The following PCLO variants were observed in gnomAD, a reference collection of about 807,000 sequenced individuals.
PCLO encodes protein piccolo.
A neutral mutation model predicts 427.5 loss-of-function variants in PCLO; 82 were observed. That is an observed-to-expected ratio of 0.19 (90% CI 0.16 to 0.23). The LOEUF is 0.23. PCLO is among the 10% of genes least tolerant of loss of function. The pLI, the probability that PCLO is intolerant of heterozygous loss-of-function variation, is 1.00. For missense variants in PCLO, 6,239 were observed against 6,115.9 expected (o/e 1.02, Z -0.67); for synonymous variants, 2,357 against 2,155.4 (o/e 1.09, Z -2.59).
At chr7:82,796,890 G>A (rs906372302) in intron 22 of PCLO, among the ~76,000 whole-genome samples, 19 of 150,466 alleles carry the variant, frequency 1.3e-4, no homozygotes, top group Non-Finnish European at 2.2e-4. Context: ...TTTTAATATA[G>A]TGTTTTGCAT....
chr7:83,075,833 T>A (rs1239141311), intron 3 of PCLO, among the ~76,000 whole-genome samples: 1 of 152,140 alleles, frequency 6.6e-6, no homozygotes, highest in Non-Finnish European at 1.5e-5. Context: ...TCTAAACACA[T>A]GTAATATGTC....
intron 3 of PCLO, among the ~76,000 whole-genome samples, chr7:83,032,746 CTCT>C (rs2116154964): frequency 6.6e-6 from 1 of 152,186 alleles, no homozygotes; most frequent in African/African-American, 2.4e-5. Context: ...TTTGACTACT[CTCT>C]TCTTTTCTTT....
chr7:82,785,582 G>T (rs1174210415), intron 22 of PCLO, among the ~76,000 whole-genome samples: 2 of 152,124 alleles, frequency 1.3e-5, no homozygotes, highest in African/African-American at 2.4e-5. Flanking sequence ...AACTTAAAAA[G>T]ATCATTACAA....
At chr7:83,017,694 C>G (rs1038580469) in intron 3 of PCLO, among the ~76,000 whole-genome samples, 11 of 151,830 alleles carry the variant, frequency 7.2e-5, no homozygotes, top group Non-Finnish European at 1.6e-4. Context: ...TAATAAAAAA[C>G]TTGTTTACCC....
chr7:82,781,928 TC>T (rs1212254151), intron 22 of PCLO, among the ~76,000 whole-genome samples: 9 of 152,256 alleles, frequency 5.9e-5, no homozygotes, highest in Non-Finnish European at 2.9e-5. Context: ...TCTCGCCCCT[TC>T]CCCCATACCT....
intron 3 of PCLO, among the ~76,000 whole-genome samples, chr7:82,983,373 T>C (rs1305690723): frequency 6.6e-6 from 1 of 151,096 alleles, no homozygotes; most frequent in Non-Finnish European, 1.5e-5. Context: ...AATATATATG[T>C]TCCCTCTGGC....
At chr7:83,140,992 T>A (rs369706232) in intron 2 of PCLO, among the ~76,000 whole-genome samples, 18 of 152,220 alleles carry the variant, frequency 1.2e-4, no homozygotes, top group African/African-American at 4.3e-4. Context: ...ATTTTAGTCC[T>A]TATCACTTCC....
At chr7:82,846,365 C>T (rs1489217182) in intron 12 of PCLO, among the ~76,000 whole-genome samples, 1 of 152,032 alleles carries the variant, frequency 6.6e-6, no homozygotes, top group East Asian at 1.9e-4. Context: ...ATATGTATTT[C>T]CCCAGAATGC....
chr7:83,004,614 T>C (rs1583896980), intron 3 of PCLO, among the ~76,000 whole-genome samples: 1 of 141,208 alleles, frequency 7.1e-6, no homozygotes, highest in East Asian at 2.2e-4. Flanking sequence ...GTTTTGGCAA[T>C]GATTTTTTAG....
chr7:82,959,747 C>A (rs1466510429), intron 4 of PCLO, among the ~76,000 whole-genome samples: 1 of 152,166 alleles, frequency 6.6e-6, no homozygotes, highest in Non-Finnish European at 1.5e-5. Context: ...ACACTCCTCA[C>A]AGGATTTCAT....
rs531405140 is a variant in PCLO at position 82,785,408 on chromosome 7, G to A, written c.15007+16110C>T. On this transcript the variant is annotated intron_variant, in intron 22 of 24. Transcript: ENST00000333891. ...TACTGTGTGGCCTGGTTTCTAACAG[G>A]CCACAGACCAATACAGGTCTGTGGT... is the stretch of plus-strand genomic sequence containing the variant. Among the ~76,000 whole-genome samples, 16 of 152,206 alleles carry A rather than the reference G, an allele frequency of 1.1e-4. No individual in the cohort carries two copies. The South Asian group carries it at 3.1e-3, about 30-fold the overall frequency.
chr7:83,156,865 T>C (rs1792316063), intron 1 of PCLO, among the ~76,000 whole-genome samples: 1 of 152,066 alleles, frequency 6.6e-6, no homozygotes, highest in East Asian at 1.9e-4. Flanking sequence ...GCTAGCAGCA[T>C]TGAGAATTAA....
intron 4 of PCLO, among the ~76,000 whole-genome samples, chr7:82,958,870 A>G (rs188391192): frequency 6.6e-6 from 1 of 152,210 alleles, no homozygotes; most frequent in East Asian, 1.9e-4. Flanking sequence ...GCCAGAGCAC[A>G]TTTTTTGGAA....
intron 20 of PCLO, among the ~76,000 whole-genome samples, chr7:82,816,237 A>G (rs1397223275): frequency 6.6e-6 from 1 of 152,156 alleles, no homozygotes; most frequent in African/African-American, 2.4e-5. Context: ...AAAATAACTA[A>G]GCATTTCATG....
In PCLO at chr7:82,949,535, G is replaced by A. The variant is rs754174262; in HGVS notation, c.11053C>T (p.Leu3685=). The A allele has an allele frequency of 3.1e-6, 5 of 1,613,576 alleles. No homozygotes were observed. In the South Asian group the frequency reaches 5.5e-5, roughly 18 times the overall value. ...GAACTTTCGTCTGCTGTTGGACTCA[G>A]AGGCTTGGGGTCAGACATAGAACGC... is the stretch of plus-strand genomic sequence containing the variant. ...MQRSMSDPKP[L]SPTADESSRA... is the part of the protein sequence containing the mutation. The change falls in exon 6 of 25, where the codon CTG becomes TTG. Residue 3685 remains leucine (L), a synonymous_variant. Transcript: ENST00000333891.
chr7:82,804,706 G>T (rs188478258), intron 21 of PCLO, among the ~76,000 whole-genome samples: 1 of 152,074 alleles, frequency 6.6e-6, no homozygotes, highest in Non-Finnish European at 1.5e-5. Flanking sequence ...TAATAGGCAC[G>T]GTTGTGTTCC....
At chr7:82,845,846 C>CT (rs1343205614) in intron 12 of PCLO, among the ~76,000 whole-genome samples, 1 of 151,884 alleles carries the variant, frequency 6.6e-6, no homozygotes, top group Non-Finnish European at 1.5e-5. Flanking sequence ...TTACATAGTT[C>CT]TTTCTCTAAG....
In PCLO at chr7:82,955,639, C is replaced by A. The variant is rs1330389618; in HGVS notation, c.5314G>T (p.Asp1772Tyr). ...CTCAATTCTTCTTCCTCTGAAGAAT[C>A]TTCAATAGTAGGCAAAAGAGGGCCA... ...PHGPLLPTIE[D>Y]SSEEEELREE... is the part of the protein sequence containing the mutation. Residue 1772 changes from aspartate to tyrosine, a missense_variant, in exon 5 of 25, where the codon GAT (aspartate) becomes TAT (tyrosine). Coordinates refer to ENST00000333891, the MANE Select transcript of PCLO (RefSeq NM_033026.6). 1.2e-6 allele frequency: 2 copies of A among 1,613,806 alleles called. No individual in the cohort carries two copies. The highest frequency in any genetic ancestry group is 1.7e-6 in the Non-Finnish European group (2 of 1,179,866).
intron 3 of PCLO, among the ~76,000 whole-genome samples, chr7:83,108,474 G>A (rs1790923634): frequency 6.6e-6 from 1 of 151,966 alleles, no homozygotes; most frequent in African/African-American, 2.4e-5. Context: ...ATTTCCCACT[G>A]TATGTGCTGT....
Sources: allele counts gnomAD v4.1 joint callset (sites outside exome capture counted in the v4.1 genomes callset), GRCh38; gene constraint gnomAD v4.1.1; transcripts MANE v1.5; gene names NCBI Gene and HGNC (gene_info 2026-07-23, HGNC 2026-07-21).